NUDT12: variants seen among roughly 807,000 people sequenced by gnomAD.
The protein encoded by NUDT12 is nudix hydrolase 12, also known as NAD-capped RNA hydrolase NUDT12.
Under a neutral mutation model 45.7 loss-of-function variants are expected in NUDT12, and 42 were observed. That is an observed-to-expected ratio of 0.92 (90% CI 0.72 to 1.19). The LOEUF (loss-of-function observed/expected upper bound fraction) is 1.19. NUDT12 is among the 50% of genes most tolerant of loss of function. The pLI is 0.00. For missense variants in NUDT12, 590 were observed against 533.1 expected, an observed-to-expected ratio of 1.11 and a Z score of -1.05; for synonymous variants, 206 against 179.7, an observed-to-expected ratio of 1.15 and a Z score of -1.17.
In NUDT12 at chr5:103,552,236, C is replaced by A. The variant is rs775614846; in HGVS notation, c.1259G>T (p.Arg420Leu). 2 of 1,612,996 alleles carry A rather than the reference C, an allele frequency of 1.2e-6. No homozygotes were observed. Among genetic ancestry groups the A allele is most frequent in the Non-Finnish European group, 1.7e-6 (2 of 1,179,106 alleles). The change falls in exon 6 of 7, where the codon CGC becomes CTC. Residue 420 changes from arginine to leucine, a missense_variant. Transcript: ENST00000230792. Reference protein sequence around the residue: ...KVDKNEIEDARWFTREQVLDV... With the variant: ...KVDKNEIEDALWFTREQVLDV... ...CTTTACCTGTTCTCTAGTGAACCAGCGGGCATCCTCTATTTCATTCTTGTC... is the reference window on the plus strand; with the variant it reads ...CTTTACCTGTTCTCTAGTGAACCAGAGGGCATCCTCTATTTCATTCTTGTC...
rs776750158 is a variant in NUDT12, at chr5:103,550,968, G to C, written c.1282C>G (p.Leu428Val). 14 of 1,612,000 alleles carry C rather than the reference G, an allele frequency of 8.7e-6. No homozygotes were observed. The Admixed American group carries it at 1.7e-4, about 19-fold the overall frequency. ...TGCTTCCCTTTGGTCAGAACATCCA[G>C]GACCTAAAACACACCATAATAGAAT... ...DARWFTREQVLDVLTKGKQQA... is the reference protein window; with the variant it reads ...DARWFTREQVVDVLTKGKQQA... The change falls in exon 7 of 7, where the codon CTG (leucine) becomes GTG (valine). Residue 428 changes from leucine to valine, a missense_variant. Physicochemically the swap from Leu to Val is conservative, Grantham distance 32. Coordinates refer to ENST00000230792, the MANE Select transcript of NUDT12 (RefSeq NM_031438.4).
chr5:103,559,949 T>C (rs1269807893), intron 2 of NUDT12, 94 bp downstream of exon 2: 32 of 815,362 alleles, frequency 3.9e-5, no homozygotes, highest in South Asian at 3.6e-4. Flanking sequence ...AGTTCAACAA[T>C]ATAAATATGG....
chr5:103,555,986 T>C lies in NUDT12; in HGVS notation c.909A>G (p.Leu303=), dbSNP rs368289684. The change falls in exon 4 of 7, where the codon TTA becomes TTG. Residue 303 remains leucine (L), a synonymous_variant. Transcript: ENST00000230792. The part of the protein sequence containing the change: ...IEEGGYKRLC[L]KEDCPSLNGV... The stretch of plus-strand genomic sequence containing the variant: ...CATTGAGACTAGGACAGTCTTCTTT[T>C]AAACATAATCTCTTATAGCCACCTT... 3.1e-6 allele frequency: 5 copies of C among 1,610,940 alleles called. No individual in the cohort carries two copies. In the African/African-American group the frequency reaches 5.3e-5, roughly 17 times the overall value.
chr5:103,558,119 T>A (rs1010524804), intron 3 of NUDT12, among the ~76,000 whole-genome samples: 1 of 152,034 alleles, frequency 6.6e-6, no homozygotes, highest in Non-Finnish European at 1.5e-5. Context: ...CATATCCAAT[T>A]CAATAGCAAA....
chr5:103,556,036 AG>A lies in NUDT12; in HGVS notation c.858del (p.Cys287ValfsTer17), dbSNP rs1328085886. On this transcript the variant is annotated frameshift_variant, in exon 4 of 7. Coordinates refer to ENST00000230792, the MANE Select transcript of NUDT12 (RefSeq NM_031438.4). LOFTEE classifies it high-confidence loss of function. ...AWHSRYKFCPTCGNATKIEEG... is the reference protein window; with the variant it reads ...AWHSRYKFCPXCGNATKIEEG... ...TCTTCAATTTTAGTTGCATTTCCAC[AG>A]GTTGGGCAAAACTTGTATCGACTGT... The A allele has an allele frequency of 6.2e-7, 1 of 1,612,100 alleles. No individual in the cohort carries two copies. Among genetic ancestry groups the A allele is most frequent in the Non-Finnish European group, 8.5e-7 (1 of 1,178,766 alleles).
intron 3 of NUDT12, among the ~76,000 whole-genome samples, chr5:103,557,883 A>G (rs1375513397): frequency 6.6e-6 from 1 of 151,992 alleles, no homozygotes; most frequent in African/African-American, 2.4e-5. Flanking sequence ...TGTGTTGATG[A>G]CTGCCATATG....
Position 103,550,676 on chromosome 5 carries a change from T to C in NUDT12, c.*185A>G, listed in dbSNP as rs562232891. 632 of 443,538 alleles carry C rather than the reference T, an allele frequency of 1.4e-3. 1 individual carries two copies. Among genetic ancestry groups the C allele is most frequent in the Admixed American group, 2.1e-3 (57 of 27,254 alleles). The allele number at this position is 443,538 out of a possible 1,614,324, so 27.5% of individuals were successfully genotyped here. A position where few individuals can be genotyped will look rare whatever the true frequency, so the allele number is the denominator to read the frequency against. On this transcript the variant is annotated 3_prime_UTR_variant, in exon 7 of 7. Transcript: ENST00000230792. ...CCAAATTTAACATAATCTGAGGCAATATTGTAAAAATGTGTAAAAATATGA... is the reference window on the plus strand; with the variant it reads ...CCAAATTTAACATAATCTGAGGCAACATTGTAAAAATGTGTAAAAATATGA...
In NUDT12 at chr5:103,550,695, A is replaced by C. The variant is rs148014608; in HGVS notation, c.*166T>G. 2.3e-3 allele frequency: 1,104 copies of C among 472,030 alleles called. 10 individuals are homozygous for C. Among genetic ancestry groups the C allele is most frequent in the East Asian group, 9.8e-3 (311 of 31,726 alleles). The allele number at this position is 472,030 out of a possible 1,614,324, so 29.2% of individuals were successfully genotyped here. A position where few individuals can be genotyped will look rare whatever the true frequency, so the allele number is the denominator to read the frequency against. On this transcript the variant is annotated 3_prime_UTR_variant, in exon 7 of 7. Coordinates refer to ENST00000230792, the MANE Select transcript of NUDT12 (RefSeq NM_031438.4). Reference sequence around the variant, plus strand: ...AGGCAATATTGTAAAAATGTGTAAAAATATGAATTTGTGATTAAGACAGAA... The same window carrying C: ...AGGCAATATTGTAAAAATGTGTAAACATATGAATTTGTGATTAAGACAGAA...
intron 5 of NUDT12, among the ~76,000 whole-genome samples, chr5:103,552,843 A>G (rs1233821904): frequency 6.6e-6 from 1 of 152,156 alleles, no homozygotes; most frequent in African/African-American, 2.4e-5. Context: ...ATGTTGTCAA[A>G]CAATTATTGC....
chr5:103,559,431 C>G lies in NUDT12; in HGVS notation c.244G>C (p.Ala82Pro). The G allele has an allele frequency of 6.4e-7, 1 of 1,574,796 alleles. No homozygotes were observed. The highest frequency in any genetic ancestry group is 8.6e-7 in the Non-Finnish European group (1 of 1,163,878). Residue 82 changes from alanine to proline, a missense_variant, in exon 3 of 7, where the codon GCA (alanine) becomes CCA (proline). Coordinates refer to ENST00000230792, the MANE Select transcript of NUDT12 (RefSeq NM_031438.4). ...CCCCAAAATACAGCAATGTCCAGTG[C>G]AGTCTGCCTTGATTTATTGACAATT... Reference protein sequence around the residue: ...RSIVNKSRQTALDIAVFWGYK... With the variant: ...RSIVNKSRQTPLDIAVFWGYK...
intron 3 of NUDT12, 133 bp from the exon 4 acceptor site, chr5:103,556,231 C>T (rs547762470): frequency 2.5e-4 from 128 of 520,086 alleles, no homozygotes; most frequent in African/African-American, 1.4e-3. Flanking sequence ...TTTTATAATG[C>T]GTATTCTTCT....
At chr5:103,553,609 C>T (rs13157247) in intron 5 of NUDT12, among the ~76,000 whole-genome samples, 3 of 151,888 alleles carry the variant, frequency 2.0e-5, no homozygotes, top group Non-Finnish European at 2.9e-5. Context: ...ATGAGCTGGT[C>T]GTACTACTCT....
Position 103,550,914 on chromosome 5 carries a change from C to T in NUDT12, c.1336G>A (p.Ala446Thr). 1 of 1,613,712 alleles carries T rather than the reference C, an allele frequency of 6.2e-7. No individual in the cohort carries two copies. Among genetic ancestry groups the T allele is most frequent in the Non-Finnish European group, 8.5e-7 (1 of 1,179,844 alleles). ...QQAFFVPPSR[A>T]IAHQLIKHWI... ...TGTTTGATTAATTGATGTGCAATAGCTCGGCTTGGTGGCACAAAGAATGCC... is the reference window on the plus strand; with the variant it reads ...TGTTTGATTAATTGATGTGCAATAGTTCGGCTTGGTGGCACAAAGAATGCC... Residue 446 changes from alanine (A) to threonine (T), a missense_variant, in exon 7 of 7, where the codon GCT becomes ACT. Coordinates refer to ENST00000230792, the MANE Select transcript of NUDT12 (RefSeq NM_031438.4).
intron 1 of NUDT12, among the ~76,000 whole-genome samples, chr5:103,561,728 G>GT (rs1446661645): frequency 6.6e-6 from 1 of 152,160 alleles, no homozygotes. Context: ...CCATATTATA[G>GT]TTTTTTCAGC....
chr5:103,555,505 G>T (rs1276554168), intron 4 of NUDT12, among the ~76,000 whole-genome samples: 1 of 151,954 alleles, frequency 6.6e-6, no homozygotes, highest in Non-Finnish European at 1.5e-5. Flanking sequence ...TAAAGGTCTG[G>T]GTTACCAGAT....
chr5:103,562,405 A>G (rs1428549357), intron 1 of NUDT12, among the ~76,000 whole-genome samples: 1 of 152,132 alleles, frequency 6.6e-6, no homozygotes, highest in Non-Finnish European at 1.5e-5. Flanking sequence ...TCTTGCCACT[A>G]CTGTGAGATT....
At chr5:103,557,202 G>A (rs1330146756) in intron 3 of NUDT12, among the ~76,000 whole-genome samples, 2 of 147,816 alleles carry the variant, frequency 1.4e-5, no homozygotes, top group Admixed American at 6.8e-5. Flanking sequence ...GAGCAAGTGA[G>A]TTAAAAGGCC....
intron 3 of NUDT12, among the ~76,000 whole-genome samples, chr5:103,556,791 A>C (rs1053276951): frequency 6.6e-6 from 1 of 152,124 alleles, no homozygotes; most frequent in Non-Finnish European, 1.5e-5. Context: ...AAGACTAGAA[A>C]TGCTATATGT....
chr5:103,559,520 C>T, intron 2 of NUDT12, 52 bp from the exon 3 acceptor site: 1 of 884,044 alleles, frequency 1.1e-6, no homozygotes, highest in South Asian at 3.1e-5. Context: ...GAAGTAAACA[C>T]TTTCTCCGTA....
Sources: allele counts gnomAD v4.1 joint callset (sites outside exome capture counted in the v4.1 genomes callset), GRCh38; gene constraint gnomAD v4.1.1; transcripts MANE v1.5; gene names NCBI Gene and HGNC (gene_info 2026-07-23, HGNC 2026-07-21).